Variants in SOS1 observed in about 807,000 individuals in gnomAD.
SOS1 encodes the protein son of sevenless homolog 1.
Under a neutral mutation model 157.6 loss-of-function variants are expected in SOS1, and 25 were observed. The observed-to-expected ratio is 0.16, with a 90% CI of 0.12 to 0.22. The LOEUF is 0.22. Ranked by LOEUF, SOS1 falls within the 10% of genes least tolerant of loss-of-function variation. SOS1 has a pLI of 1.00. For synonymous variants in SOS1, 528 were observed against 534.0 expected (o/e 0.99, Z 0.16); for missense variants, 1,237 against 1,599.1 (o/e 0.77, Z 3.86).
chr2:39,099,862 T>C (rs1297440239), intron 1 of SOS1, among the ~76,000 whole-genome samples: 4 of 152,066 alleles, frequency 2.6e-5, no homozygotes, highest in Admixed American at 2.6e-4. Flanking sequence ...CCTCAGCCTC[T>C]GGAGTAGCCG....
intron 20 of SOS1, among the ~76,000 whole-genome samples, chr2:38,991,559 G>A (rs1028582925): frequency 4.6e-5 from 7 of 152,160 alleles, no homozygotes; most frequent in Non-Finnish European, 5.9e-5. Flanking sequence ...AGCAACTGTC[G>A]TCATCACCTC....
intron 1 of SOS1, among the ~76,000 whole-genome samples, chr2:39,109,329 T>C (rs956335869): frequency 1.2e-4 from 18 of 152,250 alleles, no homozygotes; most frequent in African/African-American, 3.1e-4. Context: ...AGCCAGTTCC[T>C]TTATGGTCTG....
intron 1 of SOS1, chr2:39,098,085 A>T (rs536584320): frequency 6.5e-6 from 1 of 152,720 alleles, no homozygotes; most frequent in Non-Finnish European, 1.5e-5. Flanking sequence ...ATTTTACATG[A>T]TAGAAGATTT....
At chr2:38,991,200 G>T (rs1353280455) in intron 20 of SOS1, among the ~76,000 whole-genome samples, 2 of 146,872 alleles carry the variant, frequency 1.4e-5, no homozygotes, top group Admixed American at 6.8e-5. Flanking sequence ...AGTCATTCTT[G>T]ATAGAAACAA....
intron 10 of SOS1, among the ~76,000 whole-genome samples, chr2:39,019,790 C>T (rs1669739189): frequency 6.6e-6 from 1 of 151,488 alleles, no homozygotes; most frequent in Non-Finnish European, 1.5e-5. Context: ...TCTATGCATT[C>T]CAATGGAAGT....
At chr2:39,074,342 T>A (rs1671891271) in intron 1 of SOS1, among the ~76,000 whole-genome samples, 1 of 128,274 alleles carries the variant, frequency 7.8e-6, no homozygotes, top group African/African-American at 3.0e-5. Flanking sequence ...AGAGTGAGAT[T>A]GCATCTCAGA....
intron 1 of SOS1, among the ~76,000 whole-genome samples, chr2:39,108,378 G>A (rs1258325350): frequency 6.6e-6 from 1 of 152,106 alleles, no homozygotes; most frequent in East Asian, 1.9e-4. Flanking sequence ...GCTCCCCACT[G>A]CTGACAAGAT....
At chr2:39,039,341 C>T (rs986503136) in intron 6 of SOS1, among the ~76,000 whole-genome samples, 1 of 152,098 alleles carries the variant, frequency 6.6e-6, no homozygotes, top group Non-Finnish European at 1.5e-5. Flanking sequence ...TTTTTTAGAG[C>T]ATGTAAACTA....
At chr2:39,074,358 GAAA>G (rs11399990) in intron 1 of SOS1, among the ~76,000 whole-genome samples, 3 of 136,018 alleles carry the variant, frequency 2.2e-5, no homozygotes, top group Non-Finnish European at 4.7e-5. Context: ...TCAGAAAAAA[GAAA>G]AAAAAAAAAA....
At chr2:39,011,017 T>C (rs1669450335) in intron 14 of SOS1, among the ~76,000 whole-genome samples, 1 of 151,606 alleles carries the variant, frequency 6.6e-6, no homozygotes, top group Middle Eastern at 3.2e-3. Flanking sequence ...TGCCTGAGCC[T>C]CTTGGGTAGC....
intron 15 of SOS1, among the ~76,000 whole-genome samples, chr2:39,010,016 T>G (rs1268016066): frequency 6.6e-6 from 1 of 152,066 alleles, no homozygotes; most frequent in South Asian, 2.1e-4. Flanking sequence ...ATGAGACATA[T>G]AGAAATAAAA....
At chr2:39,116,756 T>G (rs1673664564) in intron 1 of SOS1, among the ~76,000 whole-genome samples, 1 of 152,008 alleles carries the variant, frequency 6.6e-6, no homozygotes, top group African/African-American at 2.4e-5. Flanking sequence ...GAGGCTGAGG[T>G]GGGAGGATAG....
intron 6 of SOS1, among the ~76,000 whole-genome samples, chr2:39,045,247 A>AGGGAGAGGGAGAGG (rs150513425): frequency 1.9e-3 from 252 of 129,366 alleles, no homozygotes; most frequent in African/African-American, 3.6e-3. Context: ...AGAGAGGGAG[A>AGGGAGAGGGAGAGG]GAGAGAGAGA....
At chr2:39,097,474 A>C (rs1250684170) in intron 1 of SOS1, among the ~76,000 whole-genome samples, 1 of 152,200 alleles carries the variant, frequency 6.6e-6, no homozygotes, top group Admixed American at 6.5e-5. Flanking sequence ...GCTAGCAAAG[A>C]ATGTTTTAAC....
intron 17 of SOS1, among the ~76,000 whole-genome samples, chr2:39,000,902 A>G (rs374018190): frequency 2.4e-4 from 37 of 152,256 alleles, no homozygotes; most frequent in African/African-American, 8.7e-4. Flanking sequence ...AATCAATTCT[A>G]AAATAGCTGG....
At chr2:39,102,530 CAAAAAAAAA>C (rs70954782) in intron 1 of SOS1, among the ~76,000 whole-genome samples, 17 of 50,604 alleles carry the variant, frequency 3.4e-4, no homozygotes, top group Admixed American at 1.1e-3. Flanking sequence ...GACTCCATCT[CAAAAAAAAA>C]AAAAAAAAAA....
rs1669547011 is a variant in SOS1 at position 39,013,970 on chromosome 2, C to T, written c.1960G>A (p.Glu654Lys). ...GCTATGCGATCAGCTTCTGTTGGCTCAGGCTCTGGAATTTCAAACCTAACA... is the reference window on the plus strand; with the variant it reads ...GCTATGCGATCAGCTTCTGTTGGCTTAGGCTCTGGAATTTCAAACCTAACA... ...IIERFEIPEP[E>K]PTEADRIAIE... The change falls in exon 12 of 23, where the codon GAG becomes AAG. Residue 654 changes from glutamate to lysine, a missense_variant. Glu to Lys is a moderately conservative substitution (Grantham distance 56). This residue lies in a region of SOS1 where 55 missense variants were observed against 43.1 expected (regional missense o/e 1.27). Transcript: ENST00000402219. 1 of 1,605,392 alleles carries T rather than the reference C, an allele frequency of 6.2e-7. No homozygotes were observed. Among genetic ancestry groups the T allele is most frequent in the East Asian group, 2.2e-5 (1 of 44,764 alleles).
intron 6 of SOS1, among the ~76,000 whole-genome samples, chr2:39,044,851 TGC>T (rs774095006): frequency 2.7e-4 from 40 of 146,178 alleles, no homozygotes; most frequent in African/African-American, 8.9e-4. Context: ...TACACACACA[TGC>T]GCGCGCGCGC....
At chr2:39,107,453 C>T (rs182741506) in intron 1 of SOS1, among the ~76,000 whole-genome samples, 14 of 152,252 alleles carry the variant, frequency 9.2e-5, no homozygotes, top group South Asian at 6.2e-4. Context: ...GACACTTTCA[C>T]TCAAAGTTCC....
Sources: allele counts gnomAD v4.1 joint callset (sites outside exome capture counted in the v4.1 genomes callset), GRCh38; gene constraint gnomAD v4.1.1; regional missense constraint gnomAD v4.1.1; transcripts MANE v1.5; gene names NCBI Gene and HGNC (gene_info 2026-07-23, HGNC 2026-07-21).